CDH4: variants seen among roughly 807,000 people sequenced by gnomAD.
CDH4 encodes the protein cadherin-4.
Under a neutral mutation model 86.0 loss-of-function variants are expected in CDH4, and 33 were observed. The observed-to-expected ratio is 0.38, with a 90% CI of 0.29 to 0.51. The LOEUF is 0.51. Ranked by LOEUF, CDH4 falls within the 20% of genes least tolerant of loss-of-function variation. The pLI is 0.86. For missense variants in CDH4, 1,114 were observed against 1,307.4 expected (o/e 0.85, Z 2.28); for synonymous variants, 555 against 549.4 (o/e 1.01, Z -0.14).
chr20:61,830,947 CG>C (rs1402611747), intron 4 of CDH4, among the ~76,000 whole-genome samples: 1 of 152,132 alleles, frequency 6.6e-6, no homozygotes, highest in African/African-American at 2.4e-5. Flanking sequence ...AAATGTCAGT[CG>C]GGAGGGCTCC....
intron 3 of CDH4, among the ~76,000 whole-genome samples, chr20:61,745,747 G>A (rs534909398): frequency 6.6e-6 from 1 of 152,226 alleles, no homozygotes; most frequent in South Asian, 2.1e-4. Flanking sequence ...GACAGGCAGG[G>A]ACTTTCATCC....
chr20:61,581,795 G>A (rs115157247), intron 2 of CDH4, among the ~76,000 whole-genome samples: 2,183 of 152,234 alleles, frequency 0.014, 55 homozygotes, highest in African/African-American at 0.05. Flanking sequence ...TTTAGGGACC[G>A]CTTTTCAGCC....
intron 2 of CDH4, among the ~76,000 whole-genome samples, chr20:61,581,715 A>G (rs1568696430): frequency 6.6e-6 from 1 of 152,180 alleles, no homozygotes; most frequent in Non-Finnish European, 1.5e-5. Flanking sequence ...CCCCGACTGC[A>G]TCAGCTCTGC....
intron 2 of CDH4, among the ~76,000 whole-genome samples, chr20:61,539,813 C>T (rs111698862): frequency 2.6e-5 from 4 of 152,370 alleles, no homozygotes; most frequent in South Asian, 2.1e-4. Flanking sequence ...ATGGCTTCTG[C>T]GCATATTCCC....
intron 2 of CDH4, among the ~76,000 whole-genome samples, chr20:61,740,320 ACT>A (rs1379679051): frequency 6.6e-6 from 1 of 150,532 alleles, no homozygotes; most frequent in African/African-American, 2.5e-5. Flanking sequence ...TGCCCTGCAC[ACT>A]CACTTGCCGT....
intron 2 of CDH4, among the ~76,000 whole-genome samples, chr20:61,590,879 G>GGA (rs1568700965): frequency 5.2e-5 from 7 of 135,890 alleles, no homozygotes; most frequent in Non-Finnish European, 1.1e-4. Context: ...AAATCTATGG[G>GGA]GGGGGGGGTC....
chr20:61,526,704 T>C (rs2085913592), intron 2 of CDH4, among the ~76,000 whole-genome samples: 1 of 143,664 alleles, frequency 7.0e-6, no homozygotes, highest in Admixed American at 7.3e-5. Flanking sequence ...AAGTGATTGA[T>C]TTCATGATTG....
intron 3 of CDH4, among the ~76,000 whole-genome samples, chr20:61,765,420 G>A (rs913690685): frequency 6.6e-6 from 1 of 152,202 alleles, no homozygotes; most frequent in Non-Finnish European, 1.5e-5. Context: ...ATGATACTGA[G>A]GCCAGGGACT....
chr20:61,744,142 C>T (rs2088380204), intron 3 of CDH4, among the ~76,000 whole-genome samples: 1 of 152,180 alleles, frequency 6.6e-6, no homozygotes, highest in African/African-American at 2.4e-5. Flanking sequence ...AGTTTGTAGT[C>T]CACCAGGCCC....
intron 3 of CDH4, among the ~76,000 whole-genome samples, chr20:61,761,775 T>C (rs1568801241): frequency 6.6e-6 from 1 of 152,184 alleles, no homozygotes; most frequent in Non-Finnish European, 1.5e-5. Context: ...GGGACCTACA[T>C]AGGGTTTCAG....
In CDH4 at chr20:61,909,374, G is replaced by A. The variant is rs189731606; in HGVS notation, c.1189-1048G>A. Among the ~76,000 whole-genome samples, 176 of 152,312 alleles carry A rather than the reference G, an allele frequency of 1.2e-3. 2 individuals are homozygous for A. In the Middle Eastern group the frequency reaches 0.02, roughly 18 times the overall value. The stretch of plus-strand genomic sequence containing the variant: ...CCAGACACAAGTGCTGGAAGGTTCC[G>A]CCCATGTAAAGAAAAAACCCAGGTC... On this transcript the variant is annotated intron_variant, in intron 8 of 15. Transcript: ENST00000614565.
chr20:61,492,608 T>A (rs1203235486), intron 2 of CDH4, among the ~76,000 whole-genome samples: 1 of 152,144 alleles, frequency 6.6e-6, no homozygotes, highest in Non-Finnish European at 1.5e-5. Context: ...CTCAGATAGA[T>A]GGTGGCATGC....
At chr20:61,927,965 GCC>G (rs986138810) in intron 11 of CDH4, among the ~76,000 whole-genome samples, 4 of 152,230 alleles carry the variant, frequency 2.6e-5, no homozygotes, top group African/African-American at 9.6e-5. Flanking sequence ...TGGTGTGGCT[GCC>G]CATGGCGTGT....
At chr20:61,661,700 G>A (rs1398143625) in intron 2 of CDH4, among the ~76,000 whole-genome samples, 4 of 152,132 alleles carry the variant, frequency 2.6e-5, no homozygotes, top group African/African-American at 4.8e-5. Context: ...TTTGTGGCAA[G>A]TTGTTGCAAA....
At chr20:61,746,259 G>A (rs2088413421) in intron 3 of CDH4, among the ~76,000 whole-genome samples, 1 of 152,234 alleles carries the variant, frequency 6.6e-6, no homozygotes, top group African/African-American at 2.4e-5. Context: ...GGGGCCATGG[G>A]GTCACTGTGG....
At chr20:61,347,863 C>A (rs185252019) in intron 2 of CDH4, among the ~76,000 whole-genome samples, 1 of 152,172 alleles carries the variant, frequency 6.6e-6, no homozygotes, top group Admixed American at 6.5e-5. Context: ...GCGTTTGAAC[C>A]GTGCCTGGAA....
intron 4 of CDH4, among the ~76,000 whole-genome samples, chr20:61,815,348 C>A (rs942761015): frequency 6.6e-6 from 1 of 152,200 alleles, no homozygotes; most frequent in East Asian, 1.9e-4. Context: ...TTTGTGCCCA[C>A]GAAGGATTTG....
chr20:61,535,648 C>T (rs886361935), intron 2 of CDH4, among the ~76,000 whole-genome samples: 8 of 152,208 alleles, frequency 5.3e-5, no homozygotes, highest in Non-Finnish European at 7.3e-5. Flanking sequence ...TTCCCGAGGG[C>T]AGCAGCAGAG....
rs552681126 is a variant in CDH4 at position 61,898,618 on chromosome 20, AG to A, written c.1188+3578del. ...ACCCCATCCACACACATGCTCACGG[AG>A]GGGGGGTCCCCTGGAGTCAGGAAGC... On this transcript the variant is annotated intron_variant, in intron 8 of 15. Transcript: ENST00000614565. Among the ~76,000 whole-genome samples, 1,123 of 152,174 alleles carry A rather than the reference AG, an allele frequency of 7.4e-3. 11 individuals are homozygous for A. Among genetic ancestry groups the A allele is most frequent in the Middle Eastern group, 0.045 (13 of 292 alleles).
Sources: allele counts gnomAD v4.1 joint callset (sites outside exome capture counted in the v4.1 genomes callset), GRCh38; gene constraint gnomAD v4.1.1; transcripts MANE v1.5; gene names NCBI Gene and HGNC (gene_info 2026-07-23, HGNC 2026-07-21).